Variants in CHI3L2 observed in about 807,000 individuals in gnomAD.
CHI3L2 encodes chitinase 3 like 2.
A neutral mutation model predicts 47.3 loss-of-function variants in CHI3L2; 47 were observed. The ratio of observed to expected loss-of-function variants is 0.99; its 90% CI spans 0.79 to 1.27. CHI3L2 has a LOEUF of 1.27. CHI3L2 is among the 50% of genes most tolerant of loss of function. The pLI, the probability that CHI3L2 is intolerant of heterozygous loss-of-function variation, is 0.00. For synonymous variants in CHI3L2, 198 were observed against 169.9 expected (o/e 1.17, Z -1.28); for missense variants, 497 against 462.1 (o/e 1.08, Z -0.69).
In CHI3L2 at chr1:111,236,090, T is replaced by G; in HGVS notation, c.672T>G (p.Thr224=). ...GGTCTTGGGAAAAGCCCCTTATCAC[T>G]GGCCACAACAGCCCTCTGAGCAAGG... ...FHGSWEKPLI[T]GHNSPLSKGW... The change falls in exon 7 of 11, where the codon ACT becomes ACG. Residue 224 remains threonine (T), a synonymous_variant. Transcript: ENST00000369748. The G allele has an allele frequency of 6.2e-7, 1 of 1,614,188 alleles. No homozygotes were observed. Among genetic ancestry groups the G allele is most frequent in the Non-Finnish European group, 8.5e-7 (1 of 1,180,024 alleles).
In CHI3L2 at chr1:111,238,903, G is replaced by T; in HGVS notation, c.889G>T (p.Glu297Ter). Reference protein sequence around the residue: ...SGPGAAGPITESSGFLAYYEI... With the variant: ...SGPGAAGPIT ...CCCTGGAGCTGCTGGACCCATCACA[G>T]AGTCTTCAGGCTTCCTGGCCTATTA... Residue 297 changes from glutamate (E) to a stop codon, truncating the protein, a stop_gained, in exon 8 of 11, where the codon GAG becomes TAG. Coordinates refer to ENST00000369748, the MANE Select transcript of CHI3L2 (RefSeq NM_004000.3). LOFTEE classifies it high-confidence loss of function. The T allele has an allele frequency of 6.2e-7, 1 of 1,608,228 alleles. No homozygotes were observed. Among genetic ancestry groups the T allele is most frequent in the South Asian group, 1.1e-5 (1 of 90,144 alleles).
At chr1:111,237,524 A>G (rs1466893741) in intron 7 of CHI3L2, among the ~76,000 whole-genome samples, 1 of 152,212 alleles carries the variant, frequency 6.6e-6, no homozygotes. Flanking sequence ...CCAGAGCTAG[A>G]TATGATTTCT....
chr1:111,236,273 T>C (rs1659886421), intron 7 of CHI3L2, 120 bp downstream of exon 7: 5 of 1,112,544 alleles, frequency 4.5e-6, no homozygotes, highest in Non-Finnish European at 6.4e-6. Flanking sequence ...CAAGAGGGAA[T>C]TGGGTAGCCC....
intron 1 of CHI3L2, among the ~76,000 whole-genome samples, chr1:111,228,519 G>C (rs1659595147): frequency 6.6e-6 from 1 of 152,208 alleles, no homozygotes; most frequent in African/African-American, 2.4e-5. Context: ...CCACACTTTG[G>C]AGAAGGGCCT....
intron 4 of CHI3L2, 106 bp from the exon 5 acceptor site, chr1:111,234,801 T>TG: frequency 3.9e-6 from 4 of 1,035,434 alleles, no homozygotes; most frequent in Non-Finnish European, 5.8e-6. Flanking sequence ...AAATTGTAAG[T>TG]GAATATTGGG....
At chr1:111,234,185 C>G (rs530511965) in intron 4 of CHI3L2, among the ~76,000 whole-genome samples, 53 of 109,626 alleles carry the variant, frequency 4.8e-4, no homozygotes, top group African/African-American at 1.7e-3. Flanking sequence ...CAAGAATGAT[C>G]AATAAAAAAA....
At chr1:111,229,157 C>T (rs745581377) in intron 1 of CHI3L2, among the ~76,000 whole-genome samples, 4 of 152,150 alleles carry the variant, frequency 2.6e-5, no homozygotes, top group African/African-American at 4.8e-5. Context: ...TATATGGTCA[C>T]CCTACCTATA....
intron 8 of CHI3L2, 148 bp from the exon 9 acceptor site, chr1:111,241,179 A>G (rs1448053400): frequency 2.8e-6 from 2 of 702,446 alleles, no homozygotes; most frequent in Non-Finnish European, 5.2e-6. Flanking sequence ...CATATGATAT[A>G]TGTGGTCATT....
chr1:111,240,060 G>A (rs907308259), intron 8 of CHI3L2, among the ~76,000 whole-genome samples: 1 of 152,142 alleles, frequency 6.6e-6, no homozygotes, highest in African/African-American at 2.4e-5. Context: ...ATGGGTGACT[G>A]GGGAAGGCTC....
intron 10 of CHI3L2, 36 bp downstream of exon 10, chr1:111,242,402 A>G: frequency 6.4e-7 from 1 of 1,566,468 alleles, no homozygotes; most frequent in South Asian, 1.2e-5. Context: ...GTGGGCAGAC[A>G]GCTGGGCAGA....
chr1:111,236,053 T>C lies in CHI3L2; in HGVS notation c.635T>C (p.Phe212Ser). 1.2e-6 allele frequency: 2 copies of C among 1,614,234 alleles called. No individual in the cohort carries two copies. The highest frequency in any genetic ancestry group is 1.7e-6 in the Non-Finnish European group (2 of 1,180,038). Residue 212 changes from phenylalanine to serine, a missense_variant, in exon 7 of 11, where the codon TTT becomes TCT. Coordinates refer to ENST00000369748, the MANE Select transcript of CHI3L2 (RefSeq NM_004000.3). ...CTGGATTTCATCAACCTCCTGTCCT[T>C]TGACTTCCATGGGTCTTGGGAAAAG... ...KDLDFINLLS[F>S]DFHGSWEKPL...
chr1:111,229,968 CT>C, intron 2 of CHI3L2, 87 bp downstream of exon 2: 1 of 1,439,588 alleles, frequency 6.9e-7, no homozygotes, highest in Non-Finnish European at 9.7e-7. Flanking sequence ...CTGCTACATG[CT>C]TTTTCTCTTG....
At chr1:111,234,281 G>C (rs1451749580) in intron 4 of CHI3L2, among the ~76,000 whole-genome samples, 1 of 151,994 alleles carries the variant, frequency 6.6e-6, no homozygotes, top group Non-Finnish European at 1.5e-5. Context: ...CGGGGAAAAA[G>C]ACCTCAGTAT....
At chr1:111,235,813 T>C (rs1659868182) in intron 6 of CHI3L2, 50 bp downstream of exon 6, 1 of 1,601,576 alleles carries the variant, frequency 6.2e-7, no homozygotes, top group Non-Finnish European at 8.5e-7. Flanking sequence ...ATTTGGTCCA[T>C]GCAAATGATG....
At position 111,241,437 on chromosome 1, in the gene CHI3L2, G is replaced by C; in HGVS notation, c.1029G>C (p.Glu343Asp). The stretch of plus-strand genomic sequence containing the variant: ...GCTATGATGATGTGAAGAGTATGGA[G>C]ACCAAGGTAGGTGGGCCACAGGCAG... ...WVGYDDVKSM[E>D]TKVQFLKNLN... The change falls in exon 9 of 11, where the codon GAG becomes GAC. Residue 343 changes from glutamate (E) to aspartate (D), a missense_variant. Transcript: ENST00000369748. 1.9e-6 allele frequency: 3 copies of C among 1,558,954 alleles called. No individual in the cohort carries two copies. The South Asian group carries it at 3.3e-5, about 17-fold the overall frequency.
chr1:111,238,640 T>C, intron 7 of CHI3L2, 110 bp from the exon 8 acceptor site: 2 of 1,140,710 alleles, frequency 1.8e-6, no homozygotes, highest in Non-Finnish European at 2.6e-6. Context: ...CACTCGGATG[T>C]AGAAAAGAAA....
At chr1:111,235,173 G>A in intron 5 of CHI3L2, 116 bp downstream of exon 5, 2 of 1,064,896 alleles carry the variant, frequency 1.9e-6, no homozygotes, top group South Asian at 3.4e-5. Context: ...GAGTCTAACA[G>A]CCCCAGCCTT....
chr1:111,235,619 C>T lies in CHI3L2; in HGVS notation c.481-20C>T, dbSNP rs2764544. On this transcript the variant is annotated intron_variant, in intron 5 of 10. Coordinates refer to ENST00000369748, the MANE Select transcript of CHI3L2 (RefSeq NM_004000.3). Reference sequence around the variant, plus strand: ...CTCTGGGAAGGGGAATATTGCACCTCGTTTCTTTGTTTTTCCTAGGAGTTA... The same window carrying T: ...CTCTGGGAAGGGGAATATTGCACCTTGTTTCTTTGTTTTTCCTAGGAGTTA... The T allele has an allele frequency of 0.99, 1,600,464 of 1,610,868 alleles. 795,589 individuals are homozygous for T. The highest frequency in any genetic ancestry group is 1 in the East Asian group (44,872 of 44,872).
chr1:111,228,501 T>C (rs1659594485), intron 1 of CHI3L2, among the ~76,000 whole-genome samples: 1 of 152,158 alleles, frequency 6.6e-6, no homozygotes, highest in Non-Finnish European at 1.5e-5. Flanking sequence ...GTAGAGCCCG[T>C]AGGGAGGCCA....
Sources: gnomAD v4.1 joint callset for allele counts (sites outside exome capture counted in the v4.1 genomes callset) on GRCh38, gnomAD v4.1.1 for gene constraint, MANE v1.5 for transcripts, NCBI Gene and HGNC (gene_info 2026-07-23, HGNC 2026-07-21) for gene names.